The following COL5A1 variants were observed in gnomAD, a reference collection of about 807,000 sequenced individuals.
The protein encoded by COL5A1 is collagen type V alpha 1 chain.
Under a neutral mutation model 263.7 loss-of-function variants are expected in COL5A1, and 16 were observed. The observed-to-expected ratio is 0.06, with a 90% CI of 0.04 to 0.09. COL5A1 has a LOEUF of 0.09. Among genes scored for constraint, COL5A1 ranks in the 10% least tolerant of loss-of-function variants. The probability of loss-of-function intolerance (pLI) is 1.00; values close to 1 mark genes in which losing one functional copy is unlikely to be tolerated. For missense variants in COL5A1, 2,036 were observed against 2,540.5 expected, an observed-to-expected ratio of 0.80 and a Z score of 4.27; for synonymous variants, 1,012 against 1,004.5, an observed-to-expected ratio of 1.01 and a Z score of -0.14.
rs781775486 is a variant in COL5A1 at position 134,822,100 on chromosome 9, A to T, written c.4558A>T (p.Ile1520Phe). 6.2e-7 allele frequency: 1 copy of T among 1,613,654 alleles called. No individual in the cohort carries two copies. The highest frequency in any genetic ancestry group is 1.7e-5 in the Admixed American group (1 of 60,002). The change falls in exon 59 of 66, where the codon ATC becomes TTC. Residue 1520 changes from isoleucine (I) to phenylalanine (F), a missense_variant. By Grantham distance (21) the Ile-to-Phe change is conservative (BLOSUM62 0). Transcript: ENST00000371817. The stretch of plus-strand genomic sequence containing the variant: ...TGCATTTTCTGGTCCTTTTCAGGGT[A>T]TCACTGGTCCTTCTGGCCCGATTGG... ...GSSGPKGEQG[I>F]TGPSGPIGPP...
intron 11 of COL5A1, among the ~76,000 whole-genome samples, chr9:134,744,535 TCA>T (rs1352161308): frequency 7.5e-6 from 1 of 132,890 alleles, no homozygotes; most frequent in Non-Finnish European, 1.6e-5. Context: ...ACATGCACAC[TCA>T]CACCCACACA....
At chr9:134,688,682 C>T (rs958959458) in intron 1 of COL5A1, among the ~76,000 whole-genome samples, 3 of 152,182 alleles carry the variant, frequency 2.0e-5, no homozygotes, top group Non-Finnish European at 1.5e-5. Flanking sequence ...GTCCCTGTGC[C>T]GCCCCTCCCC....
intron 37 of COL5A1, among the ~76,000 whole-genome samples, chr9:134,801,483 C>T (rs1359062910): frequency 6.6e-6 from 1 of 152,220 alleles, no homozygotes; most frequent in Non-Finnish European, 1.5e-5. Flanking sequence ...GCTTGTGTGG[C>T]TTCGTTACCC....
chr9:134,720,325 C>T (rs1013294607), intron 4 of COL5A1, among the ~76,000 whole-genome samples: 1 of 152,214 alleles, frequency 6.6e-6, no homozygotes, highest in African/African-American at 2.4e-5. Flanking sequence ...AGCCCCTGGC[C>T]CTTTGTTTCC....
At chr9:134,653,034 G>A (rs1407342265) in intron 1 of COL5A1, among the ~76,000 whole-genome samples, 1 of 152,156 alleles carries the variant, frequency 6.6e-6, no homozygotes, top group African/African-American at 2.4e-5. Flanking sequence ...CGTGGGGTGG[G>A]GAGGGCACCT....
chr9:134,815,127 T>C (rs1485582222), intron 50 of COL5A1, among the ~76,000 whole-genome samples: 2 of 152,208 alleles, frequency 1.3e-5, no homozygotes, highest in East Asian at 3.9e-4. Context: ...CCTGAGTGAT[T>C]CTTCTCTGTG....
intron 48 of COL5A1, 45 bp downstream of exon 48, chr9:134,812,757 G>GGAGT: frequency 1.6e-6 from 2 of 1,284,814 alleles, no homozygotes; most frequent in Non-Finnish European, 2.2e-6. Flanking sequence ...GGTTGTTTGA[G>GGAGT]GAGTGTGTGT....
chr9:134,690,427 T>C (rs983757464), intron 1 of COL5A1, among the ~76,000 whole-genome samples: 1 of 152,312 alleles, frequency 6.6e-6, no homozygotes, highest in East Asian at 1.9e-4. Flanking sequence ...TCCTGTGTCA[T>C]TGCACAGCAC....
At chr9:134,738,944 AG>A in intron 11 of COL5A1, 136 bp downstream of exon 11, 1 of 745,322 alleles carries the variant, frequency 1.3e-6, no homozygotes, top group East Asian at 2.5e-5. Context: ...CCCCTCACCC[AG>A]GCACTCCTCA....
chr9:134,655,396 A>G (rs917313105), intron 1 of COL5A1, among the ~76,000 whole-genome samples: 1 of 151,980 alleles, frequency 6.6e-6, no homozygotes, highest in African/African-American at 2.4e-5. Context: ...GCTGTGTCCC[A>G]TACCTTTAGC....
rs1836098647 is a variant in COL5A1, at chr9:134,758,952, T to G, written c.1935+656T>G. On this transcript the variant is annotated intron_variant, in intron 18 of 65. Coordinates refer to ENST00000371817, the MANE Select transcript of COL5A1 (RefSeq NM_000093.5). This position sits in a 1 kb window ranked among gnomAD's most constrained non-coding sequence, Gnocchi z 4.1. ...ATCTTGAATCTGTCTCAATAGACTG[T>G]GGTCTTCTTTCAATAACAACGTGAT... 1.3e-5 allele frequency among the ~76,000 whole-genome samples: 2 copies of G among 152,166 alleles called. No homozygotes were observed. The highest frequency in any genetic ancestry group is 2.4e-5 in the African/African-American group (1 of 41,404).
At chr9:134,823,375 T>C (rs1839104299) in intron 60 of COL5A1, 41 bp from the exon 61 acceptor site, 1 of 1,610,794 alleles carries the variant, frequency 6.2e-7, no homozygotes. Context: ...AGTCCCCTCA[T>C]ACCTCTGTGA....
intron 32 of COL5A1, among the ~76,000 whole-genome samples, chr9:134,790,377 TCCATCCAC>T (rs1837630060): frequency 1.1e-5 from 1 of 92,664 alleles, no homozygotes; most frequent in Non-Finnish European, 2.2e-5. Context: ...CATCCATGCA[TCCATCCAC>T]CCACCCACCC....
Position 134,732,186 on chromosome 9 carries a change from C to T in COL5A1, c.1389+59C>T, listed in dbSNP as rs1278992335. On this transcript the variant is annotated intron_variant, in intron 9 of 65. Transcript: ENST00000371817. ...GGGTGTCCGCTGCTCGGGGTCACAG[C>T]GGGGTGTGTAGGGTGTGAACAGGTC... is the stretch of plus-strand genomic sequence containing the variant. 2.7e-5 allele frequency: 43 copies of T among 1,589,378 alleles called. No homozygotes were observed. The Admixed American group carries it at 3.5e-4, about 13-fold the overall frequency.
chr9:134,806,579 C>T (rs1368347697), intron 42 of COL5A1, among the ~76,000 whole-genome samples: 6 of 152,166 alleles, frequency 3.9e-5, no homozygotes, highest in African/African-American at 9.7e-5. Flanking sequence ...AGCCTGTCCA[C>T]GCGTGCATGC....
chr9:134,674,955 T>C (rs181038566), intron 1 of COL5A1, among the ~76,000 whole-genome samples: 12 of 152,306 alleles, frequency 7.9e-5, no homozygotes, highest in Non-Finnish European at 1.8e-4. Context: ...CACAAATGCC[T>C]TGAGCATTTC....
intron 32 of COL5A1, among the ~76,000 whole-genome samples, chr9:134,792,369 T>TTTTA (rs369505493): frequency 0.018 from 2,799 of 152,002 alleles, 75 homozygotes; most frequent in African/African-American, 0.061. Flanking sequence ...CAGAGAGGTC[T>TTTTA]TTTATTTATT....
chr9:134,832,782 G>A (rs1217246384), intron 64 of COL5A1: 1 of 152,272 alleles, frequency 6.6e-6, no homozygotes, highest in African/African-American at 2.4e-5. Flanking sequence ...TGAAAGCGTG[G>A]AGTTCGCCGA....
rs1173355783 is a variant in COL5A1 at position 134,741,268 on chromosome 9, T to A, written c.1494+2460T>A. Among the ~76,000 whole-genome samples the A allele has an allele frequency of 1.3e-5, 2 of 152,194 alleles. No homozygotes were observed. Among genetic ancestry groups the A allele is most frequent in the Non-Finnish European group, 2.9e-5 (2 of 68,028 alleles). On this transcript the variant is annotated intron_variant, in intron 11 of 65. Transcript: ENST00000371817. The surrounding 1 kb of genome is among the most constrained non-coding windows in gnomAD (Gnocchi z 4.5). Reference sequence around the variant, plus strand: ...CATCTGGGGCCTCCAAAAGACAGATTAACAAGAGAAGAGGCATACGATTTT... The same window carrying A: ...CATCTGGGGCCTCCAAAAGACAGATAAACAAGAGAAGAGGCATACGATTTT...
Sources: gnomAD v4.1 joint callset for allele counts (sites outside exome capture counted in the v4.1 genomes callset) on GRCh38, gnomAD v4.1.1 for gene constraint, Gnocchi (gnomAD v3.1) non-coding constraint, MANE v1.5 for transcripts, NCBI Gene and HGNC (gene_info 2026-07-23, HGNC 2026-07-21) for gene names.